SLIT3: variants seen among roughly 807,000 people sequenced by gnomAD.
SLIT3 encodes slit guidance ligand 3, also known as slit homolog 3 protein.
A neutral mutation model predicts 184.0 loss-of-function variants in SLIT3; 68 were observed. That is an observed-to-expected ratio of 0.37 (90% confidence interval 0.30 to 0.45). The LOEUF (loss-of-function observed/expected upper bound fraction) is 0.45. SLIT3 is among the 20% of genes least tolerant of loss of function. SLIT3 has a pLI of 1.00. For missense variants in SLIT3, 1,707 were observed against 2,026.0 expected, an observed-to-expected ratio of 0.84 and a Z score of 3.02; for synonymous variants, 831 against 828.6, an observed-to-expected ratio of 1.00 and a Z score of -0.05.
At chr5:168,702,518 G>C (rs1762247457) in intron 26 of SLIT3, among the ~76,000 whole-genome samples, 1 of 152,106 alleles carries the variant, frequency 6.6e-6, no homozygotes, top group African/African-American at 2.4e-5. Flanking sequence ...CACATTCTAA[G>C]TTGGCTGCTG....
At chr5:169,015,174 G>T (rs1448255499) in intron 4 of SLIT3, among the ~76,000 whole-genome samples, 1 of 151,888 alleles carries the variant, frequency 6.6e-6, no homozygotes. Flanking sequence ...TGTGTATTAG[G>T]AAAGGACAAA....
rs76210179 is a variant in SLIT3 at position 169,045,838 on chromosome 5, G to A, written c.413+147641C>T. On this transcript the variant is annotated intron_variant, in intron 4 of 35. Transcript: ENST00000519560. ...GAGTCCTCCGATTTTACCATACACC[G>A]AGTCAGATTGTTAAGTTTGTGCTCA... Among the ~76,000 whole-genome samples, 639 of 152,238 alleles carry A rather than the reference G, an allele frequency of 4.2e-3. 3 individuals are homozygous for A. Among genetic ancestry groups the A allele is most frequent in the African/African-American group, 0.014 (591 of 41,550 alleles).
intron 4 of SLIT3, among the ~76,000 whole-genome samples, chr5:168,924,475 C>A (rs1477934898): frequency 1.3e-5 from 2 of 151,154 alleles, no homozygotes; most frequent in Admixed American, 1.3e-4. Flanking sequence ...TAATAAGGAA[C>A]ATTTAAGGGT....
chr5:169,105,347 C>T (rs768708638), intron 4 of SLIT3, among the ~76,000 whole-genome samples: 2 of 152,164 alleles, frequency 1.3e-5, no homozygotes, highest in Non-Finnish European at 1.5e-5. Context: ...TTGCACAGAT[C>T]GAGGAGGCTT....
intron 32 of SLIT3, among the ~76,000 whole-genome samples, chr5:168,683,746 C>G (rs878910689): frequency 6.6e-6 from 1 of 152,202 alleles, no homozygotes; most frequent in African/African-American, 2.4e-5. Flanking sequence ...GTCACCTCCC[C>G]TCTGCGGGCC....
intron 20 of SLIT3, among the ~76,000 whole-genome samples, chr5:168,726,097 T>C (rs549395151): frequency 2.0e-5 from 3 of 152,048 alleles, no homozygotes; most frequent in Admixed American, 6.5e-5. Context: ...CTATGCTAGA[T>C]CCTGGGAGAA....
chr5:169,212,197 ACT>A (rs1764289651), intron 3 of SLIT3, among the ~76,000 whole-genome samples: 1 of 152,204 alleles, frequency 6.6e-6, no homozygotes, highest in African/African-American at 2.4e-5. Flanking sequence ...GAGTCACCAC[ACT>A]GTCTTCCACA....
At chr5:169,140,744 G>A (rs145802878) in intron 4 of SLIT3, among the ~76,000 whole-genome samples, 127 of 152,248 alleles carry the variant, frequency 8.3e-4, no homozygotes, top group African/African-American at 3.0e-3. Context: ...AGGCTGCAGT[G>A]AGCCATGATC....
chr5:169,127,277 C>T (rs1281841785), intron 4 of SLIT3, among the ~76,000 whole-genome samples: 4 of 152,252 alleles, frequency 2.6e-5, no homozygotes, highest in Non-Finnish European at 5.9e-5. Context: ...GCCCTTAAAA[C>T]TGCTGTAGCA....
intron 4 of SLIT3, among the ~76,000 whole-genome samples, chr5:169,078,499 G>A (rs1281918995): frequency 1.3e-5 from 2 of 152,092 alleles, no homozygotes; most frequent in Admixed American, 1.3e-4. Flanking sequence ...ACCCGGTGGG[G>A]AATAAAAGGC....
At chr5:169,271,406 TCAGA>T (rs760103187) in intron 1 of SLIT3, among the ~76,000 whole-genome samples, 5 of 152,156 alleles carry the variant, frequency 3.3e-5, no homozygotes, top group Admixed American at 2.0e-4. Flanking sequence ...CCTCAAACTC[TCAGA>T]CAGTGGGCTA....
intron 4 of SLIT3, among the ~76,000 whole-genome samples, chr5:168,886,381 T>TA: frequency 6.6e-6 from 1 of 152,310 alleles, no homozygotes; most frequent in East Asian, 1.9e-4. Flanking sequence ...TGAGAGTTCC[T>TA]AATAGTGTGT....
chr5:168,724,580 G>C, intron 20 of SLIT3, 96 bp from the exon 21 acceptor site: 1 of 922,500 alleles, frequency 1.1e-6, no homozygotes, highest in Non-Finnish European at 1.7e-6. Context: ...GGCTGGATTA[G>C]GTCCCTCTTT....
At chr5:169,069,519 G>A (rs1758468937) in intron 4 of SLIT3, among the ~76,000 whole-genome samples, 1 of 152,176 alleles carries the variant, frequency 6.6e-6, no homozygotes, top group South Asian at 2.1e-4. Flanking sequence ...CCCTACCCTG[G>A]GTGCCGAGGG....
chr5:168,924,811 C>T lies in SLIT3; in HGVS notation c.414-41475G>A, dbSNP rs1274527500. Reference sequence around the variant, plus strand: ...TACAGGCGTGAGCCACCGCACCCAGCTGCATTTGAGTTTTGAGCCTTGTTT... The same window carrying T: ...TACAGGCGTGAGCCACCGCACCCAGTTGCATTTGAGTTTTGAGCCTTGTTT... On this transcript the variant is annotated intron_variant, in intron 4 of 35. Coordinates refer to ENST00000519560, the MANE Select transcript of SLIT3 (RefSeq NM_003062.4). Among the ~76,000 whole-genome samples, 11 of 152,282 alleles carry T rather than the reference C, an allele frequency of 7.2e-5. No homozygotes were observed. In the South Asian group the frequency reaches 2.3e-3, roughly 32 times the overall value.
At chr5:168,964,520 T>G (rs1288473601) in intron 4 of SLIT3, among the ~76,000 whole-genome samples, 1 of 152,202 alleles carries the variant, frequency 6.6e-6, no homozygotes, top group Non-Finnish European at 1.5e-5. Flanking sequence ...CCAAACTCAT[T>G]TCATTTTTCA....
intron 4 of SLIT3, among the ~76,000 whole-genome samples, chr5:169,189,909 T>G (rs1763494678): frequency 6.6e-6 from 1 of 152,130 alleles, no homozygotes; most frequent in Admixed American, 6.5e-5. Context: ...AGCGCTATTA[T>G]CTATCTAAAA....
At chr5:168,739,170 G>T (rs74932293) in intron 20 of SLIT3, among the ~76,000 whole-genome samples, 194 of 152,190 alleles carry the variant, frequency 1.3e-3, no homozygotes, top group Middle Eastern at 6.8e-3. Context: ...ATAACTCAGT[G>T]AACCGATATT....
At chr5:169,204,093 A>C (rs1210464912) in intron 3 of SLIT3, among the ~76,000 whole-genome samples, 1 of 152,098 alleles carries the variant, frequency 6.6e-6, no homozygotes, top group Admixed American at 6.6e-5. Flanking sequence ...GGGCTACACG[A>C]GCCAGAGAGA....
Sources: allele counts gnomAD v4.1 joint callset (sites outside exome capture counted in the v4.1 genomes callset), GRCh38; gene constraint gnomAD v4.1.1; transcripts MANE v1.5; gene names NCBI Gene and HGNC (gene_info 2026-07-23, HGNC 2026-07-21).